CSMD1: variants seen among roughly 807,000 people sequenced by gnomAD.
CSMD1 encodes the protein CUB and Sushi multiple domains 1, also known as CUB and sushi domain-containing protein 1.
Under a neutral mutation model 417.5 loss-of-function variants are expected in CSMD1, and 213 were observed. That is an observed-to-expected ratio of 0.51 (90% CI 0.46 to 0.57). The LOEUF (loss-of-function observed/expected upper bound fraction) is 0.57. CSMD1 is among the 20% of genes least tolerant of loss of function. The pLI is 0.00. For synonymous variants in CSMD1, 2,862 were observed against 1,736.8 expected (o/e 1.65, Z -16.11); for missense variants, 6,923 against 4,529.7 (o/e 1.53, Z -15.17).
chr8:4,295,929 A>G (rs1325357703), intron 3 of CSMD1, among the ~76,000 whole-genome samples: 1 of 151,718 alleles, frequency 6.6e-6, no homozygotes, highest in Non-Finnish European at 1.5e-5. Context: ...CATCTCAGGA[A>G]CACAGCATGT....
chr8:3,376,131 G>C (rs1810287377), intron 18 of CSMD1, among the ~76,000 whole-genome samples: 1 of 151,980 alleles, frequency 6.6e-6, no homozygotes, highest in Admixed American at 6.5e-5. Context: ...AAATACAGCA[G>C]GTTCTCAATA....
At chr8:4,084,468 C>G (rs751496295) in intron 3 of CSMD1, among the ~76,000 whole-genome samples, 1 of 152,146 alleles carries the variant, frequency 6.6e-6, no homozygotes, top group Non-Finnish European at 1.5e-5. Flanking sequence ...ATTGCTAAAT[C>G]ATTTAAAACA....
rs893464373 is a variant in CSMD1 at position 3,175,371 on chromosome 8, T to C, written c.5725+5739A>G. 7.9e-5 allele frequency among the ~76,000 whole-genome samples: 12 copies of C among 152,324 alleles called. No homozygotes were observed. The South Asian group carries it at 2.5e-3, about 32-fold the overall frequency. ...CGTTATTCAGAATATATTGTAAATG[T>C]GATACTGCAATTTTTCTATCAGGAT... On this transcript the variant is annotated intron_variant, in intron 37 of 69. Coordinates refer to ENST00000635120, the MANE Select transcript of CSMD1 (RefSeq NM_033225.6).
chr8:4,059,619 C>T (rs928959669), intron 3 of CSMD1, among the ~76,000 whole-genome samples: 24 of 152,054 alleles, frequency 1.6e-4, no homozygotes, highest in South Asian at 4.2e-4. Flanking sequence ...ATATCACCAC[C>T]GATCCCACAG....
At chr8:3,997,662 C>G (rs952701144) in intron 5 of CSMD1, among the ~76,000 whole-genome samples, 1 of 152,152 alleles carries the variant, frequency 6.6e-6, no homozygotes, top group African/African-American at 2.4e-5. Context: ...AATGACAGCA[C>G]TACAAGTTCA....
chr8:4,815,652 C>T (rs1370441251), intron 1 of CSMD1, among the ~76,000 whole-genome samples: 1 of 135,714 alleles, frequency 7.4e-6, no homozygotes, highest in Non-Finnish European at 1.5e-5. Context: ...ACTGAGGCTG[C>T]ACCATTGCAT....
At chr8:3,683,567 G>T (rs979738928) in intron 7 of CSMD1, among the ~76,000 whole-genome samples, 2 of 152,156 alleles carry the variant, frequency 1.3e-5, no homozygotes, top group Non-Finnish European at 2.9e-5. Flanking sequence ...AAAGAAAAAT[G>T]AAATATGTTT....
chr8:4,258,870 C>T (rs1030634798), intron 3 of CSMD1, among the ~76,000 whole-genome samples: 6 of 152,178 alleles, frequency 3.9e-5, no homozygotes, highest in African/African-American at 9.7e-5. Flanking sequence ...AAAGTCTCAT[C>T]TCTACCTGGC....
chr8:3,899,321 T>A (rs1261480122), intron 5 of CSMD1, among the ~76,000 whole-genome samples: 1 of 152,206 alleles, frequency 6.6e-6, no homozygotes, highest in African/African-American at 2.4e-5. Context: ...AAAGAGGTGC[T>A]ACTTCAGAGC....
intron 23 of CSMD1, among the ~76,000 whole-genome samples, chr8:3,309,127 C>A (rs764005820): frequency 2.0e-5 from 3 of 150,834 alleles, no homozygotes; most frequent in Non-Finnish European, 2.9e-5. Context: ...TCTAGGACCT[C>A]TAGGAACGGG....
At chr8:3,437,559 A>G (rs1278100023) in intron 12 of CSMD1, among the ~76,000 whole-genome samples, 1 of 152,102 alleles carries the variant, frequency 6.6e-6, no homozygotes, top group Admixed American at 6.6e-5. Context: ...CCAGGGAAAA[A>G]CTGGACTGCA....
At chr8:4,022,146 A>G (rs1257979735) in intron 4 of CSMD1, among the ~76,000 whole-genome samples, 3 of 142,828 alleles carry the variant, frequency 2.1e-5, no homozygotes, top group Non-Finnish European at 3.0e-5. Flanking sequence ...AAATATGTAT[A>G]TATTTGTATA....
intron 5 of CSMD1, among the ~76,000 whole-genome samples, chr8:3,830,376 A>T (rs1348323293): frequency 6.6e-6 from 1 of 152,222 alleles, no homozygotes; most frequent in African/African-American, 2.4e-5. Flanking sequence ...CTTTCCCTCA[A>T]GGAGACGTTA....
chr8:2,936,872 G>T lies in CSMD1; in HGVS notation c.*1713C>A, dbSNP rs1371569375. The T allele has an allele frequency of 1.3e-5, 2 of 152,152 alleles. No individual in the cohort carries two copies. Among genetic ancestry groups the T allele is most frequent in the Non-Finnish European group, 2.9e-5 (2 of 68,030 alleles). 9.4% of individuals were successfully genotyped at this position (152,152 alleles called of 1,614,324 possible). A position where few individuals can be genotyped will look rare whatever the true frequency, so the allele number is the denominator to read the frequency against. Reference sequence around the variant, plus strand: ...CACCAACAGATAAATCAGTCTTAAAGCTAGGTGTCAATGTGTTCACTCCGA... The same window carrying T: ...CACCAACAGATAAATCAGTCTTAAATCTAGGTGTCAATGTGTTCACTCCGA... On this transcript the variant is annotated 3_prime_UTR_variant, in exon 70 of 70. Transcript: ENST00000635120.
intron 4 of CSMD1, among the ~76,000 whole-genome samples, chr8:3,999,705 A>G (rs530411298): frequency 3.9e-5 from 6 of 152,280 alleles, no homozygotes; most frequent in African/African-American, 1.4e-4. Flanking sequence ...GTTTATGTCA[A>G]CTAATGCTAA....
chr8:3,954,558 G>A (rs1332112645), intron 5 of CSMD1, among the ~76,000 whole-genome samples: 1 of 152,126 alleles, frequency 6.6e-6, no homozygotes, highest in East Asian at 1.9e-4. Context: ...TAGTAGAGAC[G>A]GGGTTTCACC....
intron 3 of CSMD1, among the ~76,000 whole-genome samples, chr8:4,103,453 A>G (rs1206079683): frequency 6.6e-6 from 1 of 151,016 alleles, no homozygotes; most frequent in Non-Finnish European, 1.5e-5. Context: ...GTACCATAAC[A>G]TCCACATGAT....
intron 23 of CSMD1, among the ~76,000 whole-genome samples, chr8:3,311,481 C>G (rs984907234): frequency 7.2e-5 from 11 of 152,204 alleles, no homozygotes; most frequent in African/African-American, 2.7e-4. Flanking sequence ...AACTCCTGAC[C>G]TCAAGTGATT....
intron 7 of CSMD1, among the ~76,000 whole-genome samples, chr8:3,626,974 G>C (rs527248246): frequency 6.6e-6 from 1 of 151,682 alleles, no homozygotes; most frequent in Non-Finnish European, 1.5e-5. Flanking sequence ...TTTAGTATTT[G>C]TTTACCATAG....
Sources: gnomAD v4.1 joint callset for allele counts (sites outside exome capture counted in the v4.1 genomes callset) on GRCh38, gnomAD v4.1.1 for gene constraint, MANE v1.5 for transcripts, NCBI Gene and HGNC (gene_info 2026-07-23, HGNC 2026-07-21) for gene names.